The following LARGE1 variants were observed in gnomAD, a reference collection of about 807,000 sequenced individuals.
The protein encoded by LARGE1 is xylosyl- and glucuronyltransferase LARGE1.
In LARGE1, 43 loss-of-function variants were observed where a neutral mutation model predicts 87.6. The observed-to-expected ratio is 0.49, with a 90% CI of 0.38 to 0.63. The LOEUF (loss-of-function observed/expected upper bound fraction) is 0.63. Among genes scored for constraint, LARGE1 ranks in the 30% least tolerant of loss-of-function variants. LARGE1 has a pLI of 0.00. For missense variants in LARGE1, 802 were observed against 1,000.2 expected, an observed-to-expected ratio of 0.80 and a Z score of 2.67; for synonymous variants, 434 against 394.6, an observed-to-expected ratio of 1.10 and a Z score of -1.18.
chr22:33,316,324 T>C (rs1259799422), intron 10 of LARGE1, 76 bp from the exon 11 acceptor site: 10 of 1,440,632 alleles, frequency 6.9e-6, no homozygotes, highest in Non-Finnish European at 9.6e-6. Flanking sequence ...CCTTGAGCCC[T>C]GCCCTCCCCT....
chr22:33,407,442 T>A (rs1470511795), intron 7 of LARGE1, among the ~76,000 whole-genome samples: 3 of 152,250 alleles, frequency 2.0e-5, no homozygotes, highest in East Asian at 3.8e-4. Context: ...CTTGTGCATA[T>A]CTTTCCAGTT....
chr22:33,176,438 G>A (rs1922874351), intron 11 of LARGE1, among the ~76,000 whole-genome samples: 1 of 151,842 alleles, frequency 6.6e-6, no homozygotes, highest in Admixed American at 6.6e-5. Flanking sequence ...AATCTGCAAA[G>A]AATTTAAACA....
chr22:33,420,622 A>T (rs2066657343), intron 7 of LARGE1, among the ~76,000 whole-genome samples: 1 of 152,104 alleles, frequency 6.6e-6, no homozygotes, highest in African/African-American at 2.4e-5. Flanking sequence ...AAGAAGGAAG[A>T]CAGTTTCTCC....
intron 11 of LARGE1, among the ~76,000 whole-genome samples, chr22:33,307,825 G>T (rs1474996237): frequency 6.6e-6 from 1 of 151,744 alleles, no homozygotes; most frequent in East Asian, 1.9e-4. Context: ...GCTGGAGGCA[G>T]TGGTGCGATC....
At chr22:33,570,605 A>C (rs2267230) in intron 5 of LARGE1, among the ~76,000 whole-genome samples, 1 of 145,520 alleles carries the variant, frequency 6.9e-6, no homozygotes, top group Admixed American at 6.9e-5. Flanking sequence ...CCAAGGTAGC[A>C]CCACTGCACT....
intron 6 of LARGE1, among the ~76,000 whole-genome samples, chr22:33,512,092 A>G (rs1167294473): frequency 8.5e-5 from 13 of 152,220 alleles, no homozygotes; most frequent in Admixed American, 8.5e-4. Flanking sequence ...TATTAAATTT[A>G]CCTCTGACAG....
chr22:33,685,953 G>A (rs1160657868), intron 2 of LARGE1, among the ~76,000 whole-genome samples: 1 of 152,204 alleles, frequency 6.6e-6, no homozygotes, highest in Non-Finnish European at 1.5e-5. Flanking sequence ...AACATGCAGA[G>A]CAATTAATTA....
intron 1 of LARGE1, among the ~76,000 whole-genome samples, chr22:33,893,487 A>G (rs1954173005): frequency 6.6e-6 from 1 of 152,230 alleles, no homozygotes; most frequent in Admixed American, 6.5e-5. Flanking sequence ...ACATTCAGAT[A>G]AACGCACAGC....
At chr22:33,855,266 G>A (rs1052749751) in intron 1 of LARGE1, among the ~76,000 whole-genome samples, 3 of 152,236 alleles carry the variant, frequency 2.0e-5, no homozygotes, top group South Asian at 2.1e-4. Context: ...CCCAGGAGGC[G>A]GAGCTTGCAG....
intron 6 of LARGE1, among the ~76,000 whole-genome samples, chr22:33,521,221 A>G (rs2071574338): frequency 6.6e-6 from 1 of 152,276 alleles, no homozygotes; most frequent in Non-Finnish European, 1.5e-5. Flanking sequence ...ATTGCTGTGT[A>G]ACAAGTAATC....
intron 12 of LARGE1, among the ~76,000 whole-genome samples, chr22:33,293,738 C>G (rs1007777447): frequency 6.6e-6 from 1 of 152,144 alleles, no homozygotes; most frequent in African/African-American, 2.4e-5. Context: ...GGTCAGAAAA[C>G]AAAGAGTATT....
intron 1 of LARGE1, 87 bp downstream of exon 1, chr22:33,919,908 G>A (rs998142228): frequency 6.6e-6 from 1 of 152,316 alleles, no homozygotes; most frequent in African/African-American, 2.4e-5. Flanking sequence ...CCGAGTACAG[G>A]GGGTACCAGC....
At chr22:33,216,301 G>A (rs1925198477) in intron 11 of LARGE1, among the ~76,000 whole-genome samples, 1 of 152,164 alleles carries the variant, frequency 6.6e-6, no homozygotes, top group African/African-American at 2.4e-5. Context: ...GTGGGACCTA[G>A]TGAGAGCTAT....
At chr22:33,142,677 C>A in the LARGE1 span, among the ~76,000 whole-genome samples, 1 of 152,086 alleles carries the variant, frequency 6.6e-6, no homozygotes, top group Non-Finnish European at 1.5e-5. Flanking sequence ...TTTTGGTATG[C>A]ATTGGTCATT....
At chr22:33,862,800 G>T (rs992137556) in intron 1 of LARGE1, among the ~76,000 whole-genome samples, 8 of 152,102 alleles carry the variant, frequency 5.3e-5, no homozygotes, top group Non-Finnish European at 8.8e-5. Flanking sequence ...AACACAAAAA[G>T]GGCAGTCCAT....
intron 10 of LARGE1, among the ~76,000 whole-genome samples, chr22:33,328,432 T>G (rs1469410729): frequency 6.6e-6 from 1 of 151,816 alleles, no homozygotes; most frequent in Non-Finnish European, 1.5e-5. Flanking sequence ...ATACAAAAAT[T>G]AGCCTGGCAT....
intron 4 of LARGE1, among the ~76,000 whole-genome samples, chr22:33,617,146 C>T (rs1043479817): frequency 7.9e-5 from 12 of 152,230 alleles, no homozygotes; most frequent in Admixed American, 5.9e-4. Flanking sequence ...GGCCTCTGAC[C>T]GGGAGGTAAG....
At chr22:33,421,773 T>G (rs1257516131) in intron 7 of LARGE1, among the ~76,000 whole-genome samples, 1 of 152,196 alleles carries the variant, frequency 6.6e-6, no homozygotes, top group Non-Finnish European at 1.5e-5. Flanking sequence ...GAAACCAGGG[T>G]GCCAGGACTA....
chr22:33,396,894 C>T (rs1299766956), intron 7 of LARGE1, among the ~76,000 whole-genome samples: 1 of 152,132 alleles, frequency 6.6e-6, no homozygotes, highest in Non-Finnish European at 1.5e-5. Context: ...CAAATACTTT[C>T]AACAAAAACT....
Sources: allele counts gnomAD v4.1 joint callset (sites outside exome capture counted in the v4.1 genomes callset), GRCh38; gene constraint gnomAD v4.1.1; transcripts MANE v1.5; gene names NCBI Gene and HGNC (gene_info 2026-07-23, HGNC 2026-07-21).